Variants in PARD3B observed in about 807,000 individuals in gnomAD.
The protein encoded by PARD3B is par-3 family cell polarity regulator beta.
In PARD3B, 103 loss-of-function variants were observed where a neutral mutation model predicts 130.2. The observed-to-expected ratio is 0.79, with a 90% CI of 0.67 to 0.93. PARD3B has a LOEUF of 0.93. Ranked by LOEUF, PARD3B falls within the 40% of genes least tolerant of loss-of-function variation. The pLI, the probability that PARD3B is intolerant of heterozygous loss-of-function variation, is 0.00. For missense variants in PARD3B, 1,609 were observed against 1,499.2 expected, an observed-to-expected ratio of 1.07 and a Z score of -1.21; for synonymous variants, 583 against 553.2, an observed-to-expected ratio of 1.05 and a Z score of -0.76.
chr2:204,721,512 G>C (rs1413066516), intron 2 of PARD3B, among the ~76,000 whole-genome samples: 1 of 152,104 alleles, frequency 6.6e-6, no homozygotes. Flanking sequence ...ATGAAAATGT[G>C]AGCCCAATTT....
At chr2:204,953,641 A>G (rs2125830379) in intron 2 of PARD3B, among the ~76,000 whole-genome samples, 1 of 152,252 alleles carries the variant, frequency 6.6e-6, no homozygotes. Flanking sequence ...TAAACACCAA[A>G]AGTGGTAAAG....
Position 205,550,639 on chromosome 2 carries a change from A to G in PARD3B, c.3181-2685A>G, listed in dbSNP as rs997657079. 2.6e-5 allele frequency among the ~76,000 whole-genome samples: 4 copies of G among 151,972 alleles called. No homozygotes were observed. The highest frequency in any genetic ancestry group is 9.7e-5 in the African/African-American group (4 of 41,390). On this transcript the variant is annotated intron_variant, in intron 21 of 22. Coordinates refer to ENST00000406610, the MANE Select transcript of PARD3B (RefSeq NM_001302769.2). The surrounding 1 kb of genome is among the most constrained non-coding windows in gnomAD (Gnocchi z 4.5). ...TCCTATTTCATTCTTTGGTTATTTC[A>G]GTTTGAATGCTGTTTTCCCAACAAG... is the stretch of plus-strand genomic sequence containing the variant.
intron 1 of PARD3B, among the ~76,000 whole-genome samples, chr2:204,569,151 T>C (rs567727506): frequency 4.5e-4 from 69 of 152,312 alleles, no homozygotes; most frequent in African/African-American, 1.7e-3. Context: ...AGGGGAAGAC[T>C]CAGTTTTTTT....
At chr2:205,514,332 T>TA (rs1384387048) in intron 21 of PARD3B, among the ~76,000 whole-genome samples, 2 of 152,092 alleles carry the variant, frequency 1.3e-5, no homozygotes, top group Non-Finnish European at 1.5e-5. Flanking sequence ...CACACACACT[T>TA]ACGTTTGGTC....
At chr2:204,764,510 A>G (rs531172149) in intron 2 of PARD3B, among the ~76,000 whole-genome samples, 69 of 152,236 alleles carry the variant, frequency 4.5e-4, no homozygotes, top group Admixed American at 1.0e-3. Context: ...GACCCACCCT[A>G]ACTGCCTGCC....
At chr2:205,528,492 C>T (rs190018124) in intron 21 of PARD3B, among the ~76,000 whole-genome samples, 114 of 151,654 alleles carry the variant, frequency 7.5e-4, no homozygotes, top group Non-Finnish European at 1.4e-3. Context: ...AGACATGACA[C>T]AATCTTTTTT....
chr2:204,949,677 C>G (rs1325317728), intron 2 of PARD3B, among the ~76,000 whole-genome samples: 1 of 151,992 alleles, frequency 6.6e-6, no homozygotes, highest in East Asian at 1.9e-4. Context: ...TAGTGGTATG[C>G]CTACTAATAG....
At chr2:204,992,986 G>A (rs1435970816) in intron 3 of PARD3B, among the ~76,000 whole-genome samples, 14 of 107,848 alleles carry the variant, frequency 1.3e-4, no homozygotes, top group African/African-American at 3.9e-4. Context: ...GGGCTGAGAC[G>A]ATGGGGTTTT....
intron 2 of PARD3B, among the ~76,000 whole-genome samples, chr2:204,869,725 G>C (rs901857716): frequency 6.6e-6 from 1 of 151,704 alleles, no homozygotes; most frequent in Non-Finnish European, 1.5e-5. Flanking sequence ...TCTTATCTAG[G>C]ATCAAAGAAT....
Position 205,125,811 on chromosome 2 carries a change from A to G in PARD3B, c.1434+74A>G. ...ACACTCAATGAACTCATTATAGCTG[A>G]GAAACGAGTTCTAAATCACAGGCTT... is the stretch of plus-strand genomic sequence containing the variant. On this transcript the variant is annotated intron_variant, in intron 10 of 22. Coordinates refer to ENST00000406610, the MANE Select transcript of PARD3B (RefSeq NM_001302769.2). This position sits in a 1 kb window ranked among gnomAD's most constrained non-coding sequence, Gnocchi z 4.0. The G allele has an allele frequency of 1.3e-6, 2 of 1,534,572 alleles. No homozygotes were observed. The highest frequency in any genetic ancestry group is 1.8e-6 in the Non-Finnish European group (2 of 1,131,424).
At chr2:204,587,343 T>G (rs2032870269) in intron 1 of PARD3B, among the ~76,000 whole-genome samples, 1 of 152,194 alleles carries the variant, frequency 6.6e-6, no homozygotes, top group Admixed American at 6.5e-5. Context: ...AGGGAATCTT[T>G]AAAAAAATTC....
intron 2 of PARD3B, among the ~76,000 whole-genome samples, chr2:204,734,266 T>C (rs1046786664): frequency 3.4e-4 from 51 of 152,146 alleles, no homozygotes; most frequent in African/African-American, 1.2e-3. Context: ...AAATAGCAAG[T>C]ATTGGCTGGC....
chr2:204,547,996 A>G lies in PARD3B; in HGVS notation c.120+1877A>G, dbSNP rs574888215. On this transcript the variant is annotated intron_variant, in intron 1 of 22. Coordinates refer to ENST00000406610, the MANE Select transcript of PARD3B (RefSeq NM_001302769.2). ...TTAGTGAATGTGACATTTAAAGGTC[A>G]CCTGCAGCATATAAATCCTTCCTCT... Among the ~76,000 whole-genome samples the G allele has an allele frequency of 2.0e-3, 299 of 152,328 alleles. 1 individual carries two copies. Among genetic ancestry groups the G allele is most frequent in the African/African-American group, 7.0e-3 (290 of 41,584 alleles).
chr2:204,900,521 T>C (rs1305426068), intron 2 of PARD3B, among the ~76,000 whole-genome samples: 2 of 152,240 alleles, frequency 1.3e-5, no homozygotes, highest in African/African-American at 2.4e-5. Flanking sequence ...ATTCCTTCTC[T>C]GTGTTATCTT....
chr2:205,228,054 G>T (rs1177647901), intron 15 of PARD3B, among the ~76,000 whole-genome samples: 1 of 152,044 alleles, frequency 6.6e-6, no homozygotes, highest in African/African-American at 2.4e-5. Flanking sequence ...ATTGTACTGT[G>T]TATGTCTTAA....
At chr2:204,631,248 C>CTTT (rs57424347) in intron 1 of PARD3B, among the ~76,000 whole-genome samples, 3 of 137,226 alleles carry the variant, frequency 2.2e-5, no homozygotes, top group Non-Finnish European at 3.3e-5. Flanking sequence ...TTCTTTCTTT[C>CTTT]TTTTTTTTTT....
At chr2:204,794,648 G>A (rs1166562635) in intron 2 of PARD3B, among the ~76,000 whole-genome samples, 2 of 152,202 alleles carry the variant, frequency 1.3e-5, no homozygotes, top group Non-Finnish European at 2.9e-5. Flanking sequence ...TAATCAGGTA[G>A]TGATGAGTTC....
chr2:204,850,529 T>C (rs2044665777), intron 2 of PARD3B, among the ~76,000 whole-genome samples: 1 of 151,650 alleles, frequency 6.6e-6, no homozygotes, highest in African/African-American at 2.4e-5. Context: ...ATTGATGGGG[T>C]GAGAGTGATG....
At chr2:205,022,914 T>C (rs2125337040) in intron 3 of PARD3B, among the ~76,000 whole-genome samples, 1 of 152,302 alleles carries the variant, frequency 6.6e-6, no homozygotes, top group South Asian at 2.1e-4. Context: ...CAAAGATACA[T>C]ACTGTGCCAG....
Sources: gnomAD v4.1 joint callset for allele counts (sites outside exome capture counted in the v4.1 genomes callset) on GRCh38, gnomAD v4.1.1 for gene constraint, Gnocchi (gnomAD v3.1) non-coding constraint, MANE v1.5 for transcripts, NCBI Gene and HGNC (gene_info 2026-07-23, HGNC 2026-07-21) for gene names.